The following DGKB variants were observed in gnomAD, a reference collection of about 807,000 sequenced individuals.
DGKB encodes the protein diacylglycerol kinase beta.
Under a neutral mutation model 114.3 loss-of-function variants are expected in DGKB, and 67 were observed. That is an observed-to-expected ratio of 0.59 (90% CI 0.48 to 0.72). The LOEUF is 0.72. DGKB is among the 30% of genes least tolerant of loss of function. The pLI is 0.00. For missense variants in DGKB, 907 were observed against 975.2 expected (o/e 0.93, Z 0.93); for synonymous variants, 398 against 323.1 (o/e 1.23, Z -2.49).
chr7:14,428,427 G>T (rs1227707842), intron 21 of DGKB, among the ~76,000 whole-genome samples: 1 of 152,020 alleles, frequency 6.6e-6, no homozygotes, highest in Non-Finnish European at 1.5e-5. Context: ...TTGTTGTTTT[G>T]CATCGAGGTT....
At chr7:14,955,021 A>G (rs1056664517) in intron 1 of DGKB, among the ~76,000 whole-genome samples, 1 of 152,110 alleles carries the variant, frequency 6.6e-6, no homozygotes, top group Non-Finnish European at 1.5e-5. Flanking sequence ...TAGAGGAGAC[A>G]AGAGAATCAG....
intron 17 of DGKB, 25 bp from the exon 18 acceptor site, chr7:14,583,162 C>T (rs1409002074): frequency 4.9e-6 from 7 of 1,415,510 alleles, no homozygotes; most frequent in Non-Finnish European, 6.0e-6. Flanking sequence ...TGTTATGGCA[C>T]ATGATTAATA....
At chr7:14,764,150 G>A (rs1339238840) in intron 2 of DGKB, among the ~76,000 whole-genome samples, 2 of 151,636 alleles carry the variant, frequency 1.3e-5, no homozygotes, top group Admixed American at 1.3e-4. Flanking sequence ...TAGTAGAGAG[G>A]GCTCTGCAAC....
At chr7:14,162,620 A>G (rs1211498199) in intron 25 of DGKB, among the ~76,000 whole-genome samples, 3 of 152,226 alleles carry the variant, frequency 2.0e-5, no homozygotes, top group African/African-American at 7.2e-5. Context: ...AATTTTTTGA[A>G]TTGGAAACTA....
rs150128880 is a variant in DGKB at position 14,927,890 on chromosome 7, G to A, written c.-188+46806C>T. Among the ~76,000 whole-genome samples, 1,133 of 151,808 alleles carry A rather than the reference G, an allele frequency of 7.5e-3. 15 individuals are homozygous for A. Among genetic ancestry groups the A allele is most frequent in the Middle Eastern group, 0.061 (18 of 294 alleles). On this transcript the variant is annotated intron_variant, in intron 1 of 4. Coordinates refer to the DGKB transcript ENST00000437998. ...TAAAATTTCTGATTTTGAGATCTCA[G>A]TTAAGATTCAATTTACAAGAATTAC...
At chr7:14,802,975 G>A (rs1842365375) in intron 2 of DGKB, among the ~76,000 whole-genome samples, 1 of 152,022 alleles carries the variant, frequency 6.6e-6, no homozygotes. Context: ...ATTAGAAAAC[G>A]ATAGTGCTGT....
In DGKB at chr7:14,733,478, G is replaced by C. The variant is rs145241054; in HGVS notation, c.322+2563C>G. 1.8e-3 allele frequency among the ~76,000 whole-genome samples: 279 copies of C among 152,244 alleles called. 2 individuals are homozygous for C. Among genetic ancestry groups the C allele is most frequent in the African/African-American group, 6.7e-3 (277 of 41,546 alleles). On this transcript the variant is annotated intron_variant, in intron 5 of 25. Coordinates refer to ENST00000402815, the MANE Select transcript of DGKB (RefSeq NM_001350709.2). Reference sequence around the variant, plus strand: ...GAGGCGGGCAGATTGCTTGAGGCCAGGCATTCGAGACCAGCCTGGTCAACA... The same window carrying C: ...GAGGCGGGCAGATTGCTTGAGGCCACGCATTCGAGACCAGCCTGGTCAACA...
chr7:14,856,706 G>A (rs564143369), intron 1 of DGKB, among the ~76,000 whole-genome samples: 1 of 152,002 alleles, frequency 6.6e-6, no homozygotes, highest in East Asian at 1.9e-4. Flanking sequence ...TTCTATTAAT[G>A]AAGATTTAGG....
At chr7:14,713,629 T>C (rs1827714262) in intron 6 of DGKB, among the ~76,000 whole-genome samples, 1 of 124,978 alleles carries the variant, frequency 8.0e-6, no homozygotes, top group East Asian at 5.3e-4. Context: ...CCACCCTCTC[T>C]TGGTCTTTTT....
intron 25 of DGKB, among the ~76,000 whole-genome samples, chr7:14,149,495 T>TGTTA (rs1004767701): frequency 2.0e-5 from 3 of 152,276 alleles, no homozygotes; most frequent in African/African-American, 4.8e-5. Context: ...TTAAATAGTA[T>TGTTA]GTTACCTCTA....
At chr7:14,372,311 T>G (rs1817791988) in intron 21 of DGKB, among the ~76,000 whole-genome samples, 1 of 152,180 alleles carries the variant, frequency 6.6e-6, no homozygotes, top group East Asian at 1.9e-4. Flanking sequence ...TTTTCCTTCT[T>G]GAATTAAAGC....
At chr7:14,547,855 C>A (rs1257089076) in intron 20 of DGKB, among the ~76,000 whole-genome samples, 1 of 152,136 alleles carries the variant, frequency 6.6e-6, no homozygotes. Context: ...TCATTCATGT[C>A]AGACAGAGGC....
intron 21 of DGKB, among the ~76,000 whole-genome samples, chr7:14,450,996 G>T (rs1371204307): frequency 6.6e-6 from 1 of 151,994 alleles, no homozygotes; most frequent in East Asian, 1.9e-4. Flanking sequence ...TATCAGATGG[G>T]TCTCCACAGC....
At chr7:14,365,653 C>A (rs1816548883) in intron 21 of DGKB, among the ~76,000 whole-genome samples, 1 of 152,032 alleles carries the variant, frequency 6.6e-6, no homozygotes, top group Non-Finnish European at 1.5e-5. Context: ...TCTATTAACT[C>A]TTGAACCAAC....
At chr7:14,698,894 T>G (rs1257408925) in intron 7 of DGKB, among the ~76,000 whole-genome samples, 1 of 152,142 alleles carries the variant, frequency 6.6e-6, no homozygotes, top group African/African-American at 2.4e-5. Flanking sequence ...TAATTTCACA[T>G]GAAAACATTA....
At chr7:14,387,143 G>A (rs1429554015) in intron 21 of DGKB, among the ~76,000 whole-genome samples, 1 of 151,538 alleles carries the variant, frequency 6.6e-6, no homozygotes, top group Non-Finnish European at 1.5e-5. Flanking sequence ...CAGTGTCTTG[G>A]CTGGGCGCGG....
At chr7:14,405,693 A>C (rs1227458750) in intron 21 of DGKB, among the ~76,000 whole-genome samples, 1 of 152,044 alleles carries the variant, frequency 6.6e-6, no homozygotes, top group Non-Finnish European at 1.5e-5. Context: ...TTCAAGCTAT[A>C]TAGGTTGTGC....
intron 21 of DGKB, among the ~76,000 whole-genome samples, chr7:14,372,239 G>A (rs1002251499): frequency 1.3e-5 from 2 of 152,086 alleles, no homozygotes; most frequent in African/African-American, 4.8e-5. Context: ...ATGCTACCAC[G>A]GGAGCTGTCT....
chr7:14,182,194 C>T (rs944394991), intron 23 of DGKB, among the ~76,000 whole-genome samples: 4 of 151,926 alleles, frequency 2.6e-5, no homozygotes, highest in African/African-American at 9.6e-5. Context: ...CTACAAGTCT[C>T]TATAAAATAA....
Sources: gnomAD v4.1 joint callset for allele counts (sites outside exome capture counted in the v4.1 genomes callset) on GRCh38, gnomAD v4.1.1 for gene constraint, MANE v1.5 for transcripts, NCBI Gene and HGNC (gene_info 2026-07-23, HGNC 2026-07-21) for gene names.